Variants in PARD3B observed in about 807,000 individuals in gnomAD.
PARD3B encodes the protein par-3 family cell polarity regulator beta.
In PARD3B, 103 loss-of-function variants were observed where a neutral mutation model predicts 130.2. The ratio of observed to expected loss-of-function variants is 0.79; its 90% CI spans 0.67 to 0.93. The LOEUF (loss-of-function observed/expected upper bound fraction) is 0.93. Among genes scored for constraint, PARD3B ranks in the 40% least tolerant of loss-of-function variants. PARD3B has a pLI of 0.00. For synonymous variants in PARD3B, 583 were observed against 553.2 expected, an observed-to-expected ratio of 1.05 and a Z score of -0.76; for missense variants, 1,609 against 1,499.2, an observed-to-expected ratio of 1.07 and a Z score of -1.21.
intron 18 of PARD3B, among the ~76,000 whole-genome samples, chr2:205,399,477 T>C (rs62171545): frequency 0.72 from 109,117 of 150,900 alleles, 43,867 homozygotes; most frequent in East Asian, 0.98. Flanking sequence ...GCCTCAGCCT[T>C]CTGAGTAACT....
chr2:204,745,247 A>G (rs996033027), intron 2 of PARD3B, among the ~76,000 whole-genome samples: 4 of 152,106 alleles, frequency 2.6e-5, no homozygotes, highest in Non-Finnish European at 5.9e-5. Context: ...GAGAAGGTCA[A>G]GGAACTTGTG....
chr2:205,195,187 C>T lies in PARD3B; in HGVS notation c.2140+1867C>T, dbSNP rs114235749. On this transcript the variant is annotated intron_variant, in intron 15 of 22. Coordinates refer to ENST00000406610, the MANE Select transcript of PARD3B (RefSeq NM_001302769.2). ...TCCTAGCAAAATATATGTAGTTAGC[C>T]GTCATTCTTTGCATTTTTTTATACA... Among the ~76,000 whole-genome samples, 185 of 152,078 alleles carry T rather than the reference C, an allele frequency of 1.2e-3. 1 individual carries two copies. The highest frequency in any genetic ancestry group is 4.2e-3 in the African/African-American group (175 of 41,504).
intron 2 of PARD3B, among the ~76,000 whole-genome samples, chr2:204,922,967 A>T (rs566569811): frequency 1.3e-5 from 2 of 152,250 alleles, no homozygotes; most frequent in South Asian, 4.1e-4. Flanking sequence ...GTGCATATAC[A>T]GCTTAGTTGT....
intron 2 of PARD3B, among the ~76,000 whole-genome samples, chr2:204,766,462 G>A (rs910431955): frequency 6.6e-6 from 1 of 152,074 alleles, no homozygotes; most frequent in African/African-American, 2.4e-5. Context: ...TCATTAGCCT[G>A]AAGTTTGTCA....
In PARD3B at chr2:205,500,044, A is replaced by T; in HGVS notation, c.3180+13A>T. On this transcript the variant is annotated intron_variant, in intron 21 of 22. Coordinates refer to ENST00000406610, the MANE Select transcript of PARD3B (RefSeq NM_001302769.2). ...TGACCTACTCTGGGTAAGCGCATGCATGATTTCAATCGTTGAATTCATCTT... is the reference window on the plus strand; with the variant it reads ...TGACCTACTCTGGGTAAGCGCATGCTTGATTTCAATCGTTGAATTCATCTT... The T allele has an allele frequency of 6.2e-7, 1 of 1,611,824 alleles. No individual in the cohort carries two copies. The highest frequency in any genetic ancestry group is 1.3e-5 in the African/African-American group (1 of 74,928).
chr2:205,465,849 G>T (rs970756008), intron 20 of PARD3B, among the ~76,000 whole-genome samples: 1 of 152,206 alleles, frequency 6.6e-6, no homozygotes, highest in Non-Finnish European at 1.5e-5. Flanking sequence ...GCTAAAAGCT[G>T]CATTAATTGA....
chr2:204,746,667 G>A (rs1441145206), intron 2 of PARD3B, among the ~76,000 whole-genome samples: 2 of 151,984 alleles, frequency 1.3e-5, no homozygotes, highest in Middle Eastern at 3.2e-3. Context: ...TTTAATGATC[G>A]CCATTCTAAC....
rs138441834 is a variant in PARD3B at position 205,416,465 on chromosome 2, A to T, written c.2741+15342A>T. On this transcript the variant is annotated intron_variant, in intron 19 of 22. Coordinates refer to ENST00000406610, the MANE Select transcript of PARD3B (RefSeq NM_001302769.2). Reference sequence around the variant, plus strand: ...TTGGAGAAACAGGGAGATGTTGAAAAGCAATCAAGAAAAATGTTGGGGGTA... The same window carrying T: ...TTGGAGAAACAGGGAGATGTTGAAATGCAATCAAGAAAAATGTTGGGGGTA... Among the ~76,000 whole-genome samples the T allele has an allele frequency of 5.2e-3, 786 of 152,286 alleles. 1 individual carries two copies. Among genetic ancestry groups the T allele is most frequent in the African/African-American group, 0.018 (741 of 41,560 alleles).
At chr2:205,586,909 T>C (rs2054216210) in intron 22 of PARD3B, among the ~76,000 whole-genome samples, 2 of 152,204 alleles carry the variant, frequency 1.3e-5, no homozygotes, top group Admixed American at 1.3e-4. Flanking sequence ...ACCAAGTATG[T>C]GGTGGGTGTT....
chr2:204,867,668 A>G (rs2045478294), intron 2 of PARD3B, among the ~76,000 whole-genome samples: 1 of 152,126 alleles, frequency 6.6e-6, no homozygotes. Context: ...AAATTTGATA[A>G]CAGTAGTGAA....
chr2:205,140,378 A>AT (rs1160769871), intron 10 of PARD3B, among the ~76,000 whole-genome samples: 19 of 151,004 alleles, frequency 1.3e-4, no homozygotes, highest in Admixed American at 9.9e-4. Context: ...AAAAGGTTTA[A>AT]TTGAAAGTGT....
chr2:205,501,230 C>T (rs1201727779), intron 21 of PARD3B, among the ~76,000 whole-genome samples: 1 of 152,180 alleles, frequency 6.6e-6, no homozygotes, highest in African/African-American at 2.4e-5. Flanking sequence ...AGTTCCAAAA[C>T]ACTAATCAGA....
At chr2:204,709,638 T>C (rs1450820787) in intron 2 of PARD3B, among the ~76,000 whole-genome samples, 1 of 152,148 alleles carries the variant, frequency 6.6e-6, no homozygotes, top group African/African-American at 2.4e-5. Flanking sequence ...GATAGTGTCA[T>C]ACGTTTGATG....
intron 18 of PARD3B, among the ~76,000 whole-genome samples, chr2:205,369,366 A>G (rs2044726317): frequency 6.6e-6 from 1 of 151,966 alleles, no homozygotes; most frequent in African/African-American, 2.4e-5. Context: ...TAACTGGTCT[A>G]CCTCCACCCA....
At chr2:204,949,997 G>C (rs1202187022) in intron 2 of PARD3B, among the ~76,000 whole-genome samples, 2 of 152,142 alleles carry the variant, frequency 1.3e-5, no homozygotes, top group African/African-American at 4.8e-5. Context: ...TAAGACTTTT[G>C]ATCAATAATG....
chr2:205,058,564 A>T (rs753169533), intron 4 of PARD3B, among the ~76,000 whole-genome samples: 14 of 152,002 alleles, frequency 9.2e-5, no homozygotes, highest in Non-Finnish European at 1.8e-4. Flanking sequence ...CCAACATTGC[A>T]CAAGAGTTCC....
chr2:204,977,811 C>CAAAAAAA (rs35974349), intron 3 of PARD3B, among the ~76,000 whole-genome samples: 15 of 58,924 alleles, frequency 2.5e-4, no homozygotes, highest in South Asian at 8.6e-4. Context: ...GACTCCGGCT[C>CAAAAAAA]AAAAAAAAAA....
At chr2:204,824,198 C>T (rs748121427) in intron 2 of PARD3B, among the ~76,000 whole-genome samples, 19 of 152,194 alleles carry the variant, frequency 1.2e-4, no homozygotes, top group Non-Finnish European at 4.4e-5. Context: ...CACCCAGGGA[C>T]TGATATGTTA....
intron 18 of PARD3B, among the ~76,000 whole-genome samples, chr2:205,392,922 T>C (rs988778964): frequency 6.6e-6 from 1 of 152,200 alleles, no homozygotes; most frequent in Non-Finnish European, 1.5e-5. Context: ...ATCAATAATA[T>C]TAACATAAAA....
Sources: allele counts gnomAD v4.1 joint callset (sites outside exome capture counted in the v4.1 genomes callset), GRCh38; gene constraint gnomAD v4.1.1; transcripts MANE v1.5; gene names NCBI Gene and HGNC (gene_info 2026-07-23, HGNC 2026-07-21).